Variants in PEX5L observed in about 807,000 individuals in gnomAD.
PEX5L encodes PEX5-related protein.
A neutral mutation model predicts 84.0 loss-of-function variants in PEX5L; 30 were observed. That is an observed-to-expected ratio of 0.36 (90% confidence interval 0.27 to 0.48). The LOEUF (loss-of-function observed/expected upper bound fraction) is 0.48, where lower values mean the gene tolerates loss of function less well. Ranked by LOEUF, PEX5L falls within the 20% of genes least tolerant of loss-of-function variation. The pLI is 0.99. For missense variants in PEX5L, 533 were observed against 754.6 expected (o/e 0.71, Z 3.44); for synonymous variants, 270 against 283.1 (o/e 0.95, Z 0.46).
rs374119947 is a variant in PEX5L at position 179,891,249 on chromosome 3, C to T, written c.199-3465G>A. Among the ~76,000 whole-genome samples, 190 of 152,252 alleles carry T rather than the reference C, an allele frequency of 1.2e-3. 7 individuals carry two copies. The South Asian group carries it at 0.038, about 31-fold the overall frequency. ...AACTGTTATAACTGCCTGACTTCTA[C>T]AACTAAGCTACTCCTGTGGCTTTCT... On this transcript the variant is annotated intron_variant, in intron 3 of 14. Coordinates refer to ENST00000467460, the MANE Select transcript of PEX5L (RefSeq NM_016559.3).
chr3:179,989,915 G>A (rs1316047658), intron 1 of PEX5L, among the ~76,000 whole-genome samples: 1 of 152,172 alleles, frequency 6.6e-6, no homozygotes. Context: ...ATCACATTCA[G>A]GTTTTGCCAC....
At chr3:180,021,865 C>A (rs1408146153) in intron 1 of PEX5L, among the ~76,000 whole-genome samples, 1 of 152,154 alleles carries the variant, frequency 6.6e-6, no homozygotes, top group Non-Finnish European at 1.5e-5. Context: ...TCTGTTTAAG[C>A]ATTTATTAAA....
chr3:179,934,699 G>A (rs1331374099), intron 2 of PEX5L, among the ~76,000 whole-genome samples: 1 of 152,044 alleles, frequency 6.6e-6, no homozygotes, highest in African/African-American at 2.4e-5. Flanking sequence ...ATATCAATTT[G>A]TATTCCCTAT....
intron 2 of PEX5L, among the ~76,000 whole-genome samples, chr3:179,906,354 T>G (rs1049762983): frequency 1.3e-5 from 2 of 152,232 alleles, no homozygotes; most frequent in African/African-American, 2.4e-5. Flanking sequence ...TCAGGCTTCC[T>G]CTGATGAATG....
intron 2 of PEX5L, among the ~76,000 whole-genome samples, chr3:179,900,246 T>G (rs1760839445): frequency 6.6e-6 from 1 of 152,192 alleles, no homozygotes; most frequent in African/African-American, 2.4e-5. Context: ...CATGCTTCAG[T>G]AAGTTCTAGT....
intron 7 of PEX5L, among the ~76,000 whole-genome samples, chr3:179,865,235 A>G (rs1433944468): frequency 6.6e-6 from 1 of 152,176 alleles, no homozygotes; most frequent in African/African-American, 2.4e-5. Flanking sequence ...TATTTTCCAC[A>G]TTTTTAGGAA....
intron 1 of PEX5L, among the ~76,000 whole-genome samples, chr3:180,032,357 C>A (rs1478939965): frequency 6.6e-6 from 1 of 152,174 alleles, no homozygotes; most frequent in African/African-American, 2.4e-5. Flanking sequence ...GCAGCAGCAA[C>A]CACTGACCAA....
At chr3:179,953,682 G>A (rs1301438014) in intron 2 of PEX5L, among the ~76,000 whole-genome samples, 1 of 152,148 alleles carries the variant, frequency 6.6e-6, no homozygotes, top group Non-Finnish European at 1.5e-5. Flanking sequence ...TCCATCGTCA[G>A]TGATGGAAAG....
chr3:179,968,469 T>C (rs1783904835), intron 2 of PEX5L, among the ~76,000 whole-genome samples: 2 of 152,146 alleles, frequency 1.3e-5, no homozygotes, highest in South Asian at 4.1e-4. Flanking sequence ...TATGCCATAA[T>C]AGATGTTTAA....
At chr3:179,906,575 A>C (rs1474465785) in intron 2 of PEX5L, among the ~76,000 whole-genome samples, 1 of 152,210 alleles carries the variant, frequency 6.6e-6, no homozygotes, top group Non-Finnish European at 1.5e-5. Context: ...TATATGATAA[A>C]TCCCAAATTT....
At position 179,938,911 on chromosome 3, in the gene PEX5L, C is replaced by T. The variant is rs568721420; in HGVS notation, c.93+32683G>A. 3.9e-5 allele frequency among the ~76,000 whole-genome samples: 6 copies of T among 152,230 alleles called. No individual in the cohort carries two copies. The East Asian group carries it at 1.2e-3, about 29-fold the overall frequency. On this transcript the variant is annotated intron_variant, in intron 2 of 14. Transcript: ENST00000467460. ...AAATCTCTTCTGGAGTTCAGTGCACCGTCACTTACTGCATTAGAGGTTAAG... is the reference window on the plus strand; with the variant it reads ...AAATCTCTTCTGGAGTTCAGTGCACTGTCACTTACTGCATTAGAGGTTAAG...
intron 9 of PEX5L, among the ~76,000 whole-genome samples, chr3:179,816,577 G>T (rs1405417821): frequency 6.6e-6 from 1 of 151,996 alleles, no homozygotes; most frequent in Non-Finnish European, 1.5e-5. Context: ...TCACACACTG[G>T]GGCCTGTTGA....
intron 1 of PEX5L, among the ~76,000 whole-genome samples, chr3:179,977,291 T>C (rs1479678488): frequency 6.6e-6 from 1 of 152,234 alleles, no homozygotes; most frequent in Non-Finnish European, 1.5e-5. Context: ...CTTTATGATG[T>C]TCCTGGGAAT....
intron 8 of PEX5L, among the ~76,000 whole-genome samples, chr3:179,835,629 G>A (rs1734669825): frequency 6.6e-6 from 1 of 152,184 alleles, no homozygotes; most frequent in East Asian, 1.9e-4. Flanking sequence ...TGCATCTAAA[G>A]TTATGCTGTC....
chr3:179,991,962 G>T (rs530937351), intron 1 of PEX5L, among the ~76,000 whole-genome samples: 1 of 151,970 alleles, frequency 6.6e-6, no homozygotes, highest in Non-Finnish European at 1.5e-5. Flanking sequence ...TTCCCATGGC[G>T]CTTATTTATA....
At chr3:179,838,605 G>A (rs1735881286) in intron 8 of PEX5L, among the ~76,000 whole-genome samples, 1 of 152,130 alleles carries the variant, frequency 6.6e-6, no homozygotes, top group African/African-American at 2.4e-5. Flanking sequence ...CCTTGTTGCT[G>A]CAAGACTTGG....
chr3:180,018,978 A>T (rs773561517), intron 1 of PEX5L, among the ~76,000 whole-genome samples: 45 of 152,196 alleles, frequency 3.0e-4, no homozygotes, highest in Middle Eastern at 3.2e-3. Context: ...AATCAATACA[A>T]TCAACTTTAT....
At position 179,861,295 on chromosome 3, in the gene PEX5L, G is replaced by T. The variant is rs147928159; in HGVS notation, c.727-2138C>A. On this transcript the variant is annotated intron_variant, in intron 7 of 14. Transcript: ENST00000467460. ...GCCCCAGAAGGTGTTCTCAGTCAAG[G>T]TTCTCTGTTCAATCCAGGAGGCTAA... 2.3e-3 allele frequency among the ~76,000 whole-genome samples: 356 copies of T among 152,320 alleles called. 2 individuals carry two copies. In the Middle Eastern group the frequency reaches 0.037, roughly 16 times the overall value.
At chr3:180,034,244 A>G (rs751590319) in intron 1 of PEX5L, among the ~76,000 whole-genome samples, 1 of 152,176 alleles carries the variant, frequency 6.6e-6, no homozygotes, top group African/African-American at 2.4e-5. Flanking sequence ...TTTCTGTTTC[A>G]CTCTTGTTTT....
Sources: gnomAD v4.1 joint callset for allele counts (sites outside exome capture counted in the v4.1 genomes callset) on GRCh38, gnomAD v4.1.1 for gene constraint, MANE v1.5 for transcripts, NCBI Gene and HGNC (gene_info 2026-07-23, HGNC 2026-07-21) for gene names.